MFSD8: variants seen among roughly 807,000 people sequenced by gnomAD.
MFSD8 encodes the protein major facilitator superfamily domain containing 8, also known as major facilitator superfamily domain-containing protein 8.
MFSD8 carries 55 observed loss-of-function variants against 66.4 expected under a neutral mutation model. The observed-to-expected ratio is 0.83, with a 90% CI of 0.67 to 1.04. The LOEUF is 1.04. MFSD8 is among the 50% of genes least tolerant of loss of function. The pLI, the probability that MFSD8 is intolerant of heterozygous loss-of-function variation, is 0.00. For synonymous variants in MFSD8, 202 were observed against 212.8 expected (o/e 0.95, Z 0.44); for missense variants, 550 against 627.6 (o/e 0.88, Z 1.32).
At chr4:127,944,117 T>C in intron 3 of MFSD8, 125 bp from the exon 4 acceptor site, 1 of 1,281,434 alleles carries the variant, frequency 7.8e-7, no homozygotes, top group Non-Finnish European at 1.1e-6. Context: ...ATAAGTTTTA[T>C]AACACTATTA....
At chr4:127,948,339 G>A (rs1401982286) in intron 3 of MFSD8, among the ~76,000 whole-genome samples, 2 of 152,202 alleles carry the variant, frequency 1.3e-5, no homozygotes, top group African/African-American at 2.4e-5. Context: ...TTCCTGATAC[G>A]ATCTCAGGGG....
chr4:127,931,784 A>C (rs1214196846), intron 8 of MFSD8, among the ~76,000 whole-genome samples: 1 of 152,176 alleles, frequency 6.6e-6, no homozygotes, highest in Admixed American at 6.6e-5. Flanking sequence ...GAATGCACTT[A>C]ATGCTACTGA....
chr4:127,950,341 C>G (rs991242200), intron 2 of MFSD8, among the ~76,000 whole-genome samples: 1 of 152,150 alleles, frequency 6.6e-6, no homozygotes, highest in African/African-American at 2.4e-5. Flanking sequence ...TTTCTGCTAG[C>G]CTTTACTACA....
intron 8 of MFSD8, 40 bp from the exon 9 acceptor site, chr4:127,930,857 A>T (rs1281403789): frequency 6.4e-7 from 1 of 1,564,876 alleles, no homozygotes; most frequent in Non-Finnish European, 8.7e-7. Flanking sequence ...TTTAAATCAC[A>T]GTAACTGTTA....
chr4:127,965,705 A>ACGC (rs1378064603), upstream of MFSD8: 1 of 169,544 alleles, frequency 5.9e-6, no homozygotes, highest in Non-Finnish European at 1.3e-5. Context: ...GGGGACGCGG[A>ACGC]GCTGGGCGGG....
At position 127,921,639 on chromosome 4, in the gene MFSD8, G is replaced by C; in HGVS notation, c.1235C>G (p.Pro412Arg). The change falls in exon 11 of 12, where the codon CCG (proline) becomes CGG (arginine). Residue 412 changes from proline (P) to arginine (R), a missense_variant. Coordinates refer to ENST00000641686, the MANE Select transcript of MFSD8 (RefSeq NM_001371596.2). ...SIEQAWCLYT[P>R]VIHLAQFLTS... ...AAGGAACTGGGCCAGATGAATCACCGGGGTGTAGAGGCACCAGGCTTGTTC... is the reference window on the plus strand; with the variant it reads ...AAGGAACTGGGCCAGATGAATCACCCGGGTGTAGAGGCACCAGGCTTGTTC... 1 of 1,614,150 alleles carries C rather than the reference G, an allele frequency of 6.2e-7. No individual in the cohort carries two copies. The highest frequency in any genetic ancestry group is 1.3e-5 in the African/African-American group (1 of 75,034).
intron 1 of MFSD8, among the ~76,000 whole-genome samples, chr4:127,961,182 A>G (rs1743679142): frequency 6.6e-6 from 1 of 152,208 alleles, no homozygotes; most frequent in Non-Finnish European, 1.5e-5. Flanking sequence ...CAATATATTC[A>G]AAGTGAACAG....
upstream of MFSD8, chr4:127,965,569 C>A (rs1445857128): frequency 2.5e-5 from 6 of 243,988 alleles, no homozygotes; most frequent in African/African-American, 1.1e-4. Context: ...TGCTGGGAGG[C>A]CCGGCCAGCT....
chr4:127,949,420 C>T (rs963161621), intron 3 of MFSD8, among the ~76,000 whole-genome samples: 13 of 152,088 alleles, frequency 8.5e-5, no homozygotes, highest in African/African-American at 2.9e-4. Context: ...ATGGGAAAAG[C>T]GTTAAATTAT....
chr4:127,954,820 G>A (rs559078982), intron 2 of MFSD8, among the ~76,000 whole-genome samples: 10 of 152,226 alleles, frequency 6.6e-5, no homozygotes, highest in African/African-American at 2.4e-4. Context: ...CTAATAAATG[G>A]GCAATGGTCT....
Position 127,920,725 on chromosome 4 carries a change from C to G in MFSD8, c.1462G>C (p.Val488Leu). 6.2e-7 allele frequency: 1 copy of G among 1,614,060 alleles called. No individual in the cohort carries two copies. Among genetic ancestry groups the G allele is most frequent in the South Asian group, 1.1e-5 (1 of 91,078 alleles). ...ATGGTGAGCACTATTATTCCACACA[C>G]CAGGCTGAATGCCCATCGTGGTCCC... ...HWGPRWAFSL[V>L]CGIIVLTITL... Residue 488 changes from valine to leucine, a missense_variant, in exon 12 of 12, where the codon GTG (valine) becomes CTG (leucine). Coordinates refer to ENST00000641686, the MANE Select transcript of MFSD8 (RefSeq NM_001371596.2).
At chr4:127,953,864 A>G (rs960398251) in intron 2 of MFSD8, among the ~76,000 whole-genome samples, 2 of 152,304 alleles carry the variant, frequency 1.3e-5, no homozygotes, top group African/African-American at 4.8e-5. Flanking sequence ...TTTATCATTC[A>G]CTTTTCTTTT....
chr4:127,930,913 A>C (rs561638013), intron 8 of MFSD8, 96 bp from the exon 9 acceptor site: 2 of 1,185,960 alleles, frequency 1.7e-6, no homozygotes, highest in African/African-American at 3.1e-5. Context: ...CTACACATTC[A>C]AGAATGTGCA....
chr4:127,932,719 T>TA, intron 8 of MFSD8: 1 of 318,868 alleles, frequency 3.1e-6, no homozygotes, highest in Non-Finnish European at 5.9e-6. Context: ...TAACTGTATT[T>TA]ATCATAAAAC....
At chr4:127,922,717 A>G (rs1736520531) in intron 9 of MFSD8, among the ~76,000 whole-genome samples, 1 of 152,202 alleles carries the variant, frequency 6.6e-6, no homozygotes, top group African/African-American at 2.4e-5. Context: ...GGGAAACAAA[A>G]GAAAATAATC....
At chr4:127,930,905 A>G in intron 8 of MFSD8, 88 bp from the exon 9 acceptor site, 4 of 1,279,864 alleles carry the variant, frequency 3.1e-6, no homozygotes, top group Non-Finnish European at 4.4e-6. Context: ...AACGACATCT[A>G]CACATTCAAG....
intron 2 of MFSD8, among the ~76,000 whole-genome samples, chr4:127,950,055 T>A (rs1267303562): frequency 1.3e-5 from 2 of 152,318 alleles, no homozygotes; most frequent in Non-Finnish European, 2.9e-5. Context: ...CTCATCATAA[T>A]AACAAATACA....
rs150490445 is a variant in MFSD8, at chr4:127,938,610, A to T, written c.754+173T>A. On this transcript the variant is annotated intron_variant, in intron 7 of 11. Transcript: ENST00000641686. ...AAAAAAAAAAATAAATAAATAAATA[A>T]ATAAATAAATAAATAAATAAATAAA... Among the ~76,000 whole-genome samples, 6,461 of 142,258 alleles carry T rather than the reference A, an allele frequency of 0.045. 408 individuals are homozygous for T. Among genetic ancestry groups the T allele is most frequent in the East Asian group, 0.23 (1,131 of 4,968 alleles). The allele number at this position is 142,258 out of a possible 152,430, so 93.3% of individuals were successfully genotyped here.
Position 127,930,780 on chromosome 4 carries a change from T to C in MFSD8, c.901A>G (p.Thr301Ala). ...TPLTMDMYAW[T>A]QEQAVLYNGI... ...TTATATAACACAGCTTGTTCTTGAG[T>C]CCAGGCATACATATCCATTGTTAAT... is the stretch of plus-strand genomic sequence containing the variant. The change falls in exon 9 of 12, where the codon ACT (threonine) becomes GCT (alanine). Residue 301 changes from threonine (T) to alanine (A), a missense_variant. Physicochemically the swap from Thr to Ala is moderately conservative, Grantham distance 58 (BLOSUM62 0). Coordinates refer to ENST00000641686, the MANE Select transcript of MFSD8 (RefSeq NM_001371596.2). The C allele has an allele frequency of 1.4e-5, 22 of 1,612,612 alleles. No homozygotes were observed. Among genetic ancestry groups the C allele is most frequent in the Non-Finnish European group, 1.8e-5 (21 of 1,179,442 alleles).
Sources: gnomAD v4.1 joint callset for allele counts (sites outside exome capture counted in the v4.1 genomes callset) on GRCh38, gnomAD v4.1.1 for gene constraint, MANE v1.5 for transcripts, NCBI Gene and HGNC (gene_info 2026-07-23, HGNC 2026-07-21) for gene names.